Variants in CWC27 observed in about 807,000 individuals in gnomAD.
CWC27 encodes CWC27 spliceosome associated cyclophilin.
Under a neutral mutation model 63.6 loss-of-function variants are expected in CWC27, and 47 were observed. The ratio of observed to expected loss-of-function variants is 0.74; its 90% CI spans 0.58 to 0.94. The LOEUF (loss-of-function observed/expected upper bound fraction) is 0.94. Among genes scored for constraint, CWC27 ranks in the 40% least tolerant of loss-of-function variants. The pLI is 0.00. For synonymous variants in CWC27, 175 were observed against 179.8 expected (o/e 0.97, Z 0.22); for missense variants, 495 against 554.3 (o/e 0.89, Z 1.07).
intron 10 of CWC27, among the ~76,000 whole-genome samples, chr5:64,825,899 A>G (rs1019422672): frequency 6.6e-6 from 1 of 152,200 alleles, no homozygotes; most frequent in Admixed American, 6.5e-5. Context: ...CAATCATTTG[A>G]AAGTCCAAAG....
chr5:64,827,794 C>G (rs1208210432), intron 10 of CWC27, among the ~76,000 whole-genome samples: 1 of 152,052 alleles, frequency 6.6e-6, no homozygotes, highest in Non-Finnish European at 1.5e-5. Flanking sequence ...TTTGATTGCC[C>G]ACAGTCCAGA....
rs150590360 is a variant in CWC27 at position 64,925,841 on chromosome 5, T to TCC, written c.1042+40297_1042+40298dup. On this transcript the variant is annotated intron_variant, in intron 11 of 13. Transcript: ENST00000381070. ...TATTCTGATGGGTCCTTGACTATACTCCCACCCTTTCTTATGTGTGTCATG... is the reference window on the plus strand; with the variant it reads ...TATTCTGATGGGTCCTTGACTATACTCCCCCACCCTTTCTTATGTGTGTCATG... Among the ~76,000 whole-genome samples the TCC allele has an allele frequency of 7.9e-5, 12 of 152,302 alleles. No homozygotes were observed. The East Asian group carries it at 2.1e-3, about 27-fold the overall frequency.
At chr5:64,893,773 A>G (rs924237745) in intron 11 of CWC27, among the ~76,000 whole-genome samples, 1 of 152,234 alleles carries the variant, frequency 6.6e-6, no homozygotes, top group African/African-American at 2.4e-5. Context: ...AAGTTTGTTT[A>G]AAACATTATG....
chr5:64,931,064 T>C (rs977659080), intron 11 of CWC27, among the ~76,000 whole-genome samples: 1 of 152,052 alleles, frequency 6.6e-6, no homozygotes, highest in African/African-American at 2.4e-5. Flanking sequence ...AAAATAATAC[T>C]AAAAAGGACA....
chr5:64,904,794 G>C (rs966578627), intron 11 of CWC27, among the ~76,000 whole-genome samples: 3 of 152,194 alleles, frequency 2.0e-5, no homozygotes, highest in Non-Finnish European at 4.4e-5. Flanking sequence ...CTCAGATAAG[G>C]ATTGGAATAG....
chr5:64,801,173 T>C, intron 8 of CWC27, 129 bp from the exon 9 acceptor site: 1 of 882,820 alleles, frequency 1.1e-6, no homozygotes, highest in Non-Finnish European at 1.6e-6. Context: ...ATGCCTTTCT[T>C]AAATTCCTAT....
intron 11 of CWC27, among the ~76,000 whole-genome samples, chr5:64,965,968 A>G (rs901984489): frequency 6.6e-5 from 10 of 152,206 alleles, no homozygotes; most frequent in African/African-American, 2.4e-4. Flanking sequence ...CTGTGTTTTC[A>G]TTATCATGGC....
chr5:64,799,602 A>ATATATATATATATATATATATATATATG (rs143997810), intron 7 of CWC27, among the ~76,000 whole-genome samples: 2,950 of 132,052 alleles, frequency 0.022, 221 homozygotes, highest in East Asian at 0.12. Context: ...ATATATATAT[A>ATATATATATATATATATATATATATATG]CTTAATAGCA....
rs1561403481 is a variant in CWC27 at position 64,782,483 on chromosome 5, T to TAAA, written c.252+450_252+451insAAA. ...ATAAATAAATAAATAAATAAATAAATTGTCTGTAAAAGATGCATTAATCAA... is the reference window on the plus strand; with the variant it reads ...ATAAATAAATAAATAAATAAATAAATAAATGTCTGTAAAAGATGCATTAATCAA... On this transcript the variant is annotated intron_variant, in intron 3 of 13. Coordinates refer to ENST00000381070, the MANE Select transcript of CWC27 (RefSeq NM_005869.4). Among the ~76,000 whole-genome samples, 16 of 151,426 alleles carry TAAA rather than the reference T, an allele frequency of 1.1e-4. No homozygotes were observed. In the East Asian group the frequency reaches 1.7e-3, roughly 16 times the overall value.
At chr5:64,776,061 A>C (rs1173440420) in intron 2 of CWC27, among the ~76,000 whole-genome samples, 1 of 117,076 alleles carries the variant, frequency 8.5e-6, no homozygotes, top group East Asian at 2.4e-4. Flanking sequence ...GGTGGGGAGG[A>C]GTGGAGCGAG....
intron 2 of CWC27, among the ~76,000 whole-genome samples, chr5:64,777,830 G>T (rs1339020433): frequency 1.3e-5 from 2 of 152,162 alleles, no homozygotes; most frequent in African/African-American, 4.8e-5. Flanking sequence ...GTTCAATAGT[G>T]ATTACTAATA....
intron 2 of CWC27, among the ~76,000 whole-genome samples, chr5:64,780,646 A>G (rs1443431528): frequency 6.8e-6 from 1 of 146,826 alleles, no homozygotes; most frequent in Non-Finnish European, 1.5e-5. Context: ...CTTATAAATT[A>G]TATATTAATA....
At chr5:64,850,190 C>A in intron 10 of CWC27, among the ~76,000 whole-genome samples, 2 of 131,198 alleles carry the variant, frequency 1.5e-5, no homozygotes, top group African/African-American at 3.0e-5. Context: ...ACCTATACTA[C>A]AAAGTTGTAG....
intron 10 of CWC27, among the ~76,000 whole-genome samples, chr5:64,812,019 A>C (rs1744891471): frequency 6.6e-6 from 1 of 152,066 alleles, no homozygotes; most frequent in Non-Finnish European, 1.5e-5. Flanking sequence ...CAGAAAAATT[A>C]ATAAGCTTCT....
At chr5:64,959,674 A>G (rs1037245339) in intron 11 of CWC27, among the ~76,000 whole-genome samples, 1 of 152,208 alleles carries the variant, frequency 6.6e-6, no homozygotes, top group African/African-American at 2.4e-5. Context: ...GCAACCATCT[A>G]TTGAAAAAGT....
At chr5:64,877,416 T>C (rs1215348871) in intron 10 of CWC27, among the ~76,000 whole-genome samples, 1 of 151,926 alleles carries the variant, frequency 6.6e-6, no homozygotes. Context: ...TCTGGGTTTG[T>C]GTGTTGGGGG....
At chr5:64,970,958 AGTGTGTGT>A (rs57958257) in intron 11 of CWC27, among the ~76,000 whole-genome samples, 2,501 of 143,454 alleles carry the variant, frequency 0.017, 30 homozygotes, top group African/African-American at 0.035. Flanking sequence ...AGAGAGAGGG[AGTGTGTGT>A]GTGTGTGTGT....
intron 13 of CWC27, among the ~76,000 whole-genome samples, chr5:65,017,009 A>G (rs193028272): frequency 6.6e-6 from 1 of 152,326 alleles, no homozygotes; most frequent in African/African-American, 2.4e-5. Context: ...AAAAGACTTA[A>G]GAGTTTTATT....
intron 10 of CWC27, chr5:64,807,974 C>T: frequency 7.1e-7 from 1 of 1,410,458 alleles, no homozygotes; most frequent in Non-Finnish European, 9.2e-7. Context: ...CCACTAAGGC[C>T]ATCTAGTTGA....
Sources: allele counts gnomAD v4.1 joint callset (sites outside exome capture counted in the v4.1 genomes callset), GRCh38; gene constraint gnomAD v4.1.1; transcripts MANE v1.5; gene names NCBI Gene and HGNC (gene_info 2026-07-23, HGNC 2026-07-21).